The following NAALADL2 variants were observed in gnomAD, a reference collection of about 807,000 sequenced individuals.
NAALADL2 encodes inactive N-acetylated-alpha-linked acidic dipeptidase-like protein 2.
Under a neutral mutation model 87.2 loss-of-function variants are expected in NAALADL2, and 76 were observed. The observed-to-expected ratio is 0.87, with a 90% CI of 0.72 to 1.05. The LOEUF is 1.05. Ranked by LOEUF, NAALADL2 falls within the 50% of genes least tolerant of loss-of-function variation. The pLI, the probability that NAALADL2 is intolerant of heterozygous loss-of-function variation, is 0.00. For missense variants in NAALADL2, 1,089 were observed against 945.8 expected (o/e 1.15, Z -1.99); for synonymous variants, 354 against 331.0 (o/e 1.07, Z -0.75).
chr3:175,350,460 A>C (rs2148873000), intron 5 of NAALADL2, among the ~76,000 whole-genome samples: 1 of 152,262 alleles, frequency 6.6e-6, no homozygotes, highest in South Asian at 2.1e-4. Flanking sequence ...TGGGCCTCTG[A>C]AACTCTGATG....
chr3:175,143,685 C>G (rs562383850), intron 2 of NAALADL2, among the ~76,000 whole-genome samples: 2 of 151,820 alleles, frequency 1.3e-5, no homozygotes, highest in African/African-American at 4.8e-5. Flanking sequence ...TTCATTGAAT[C>G]CTAAAATCAC....
chr3:175,304,333 T>G (rs537333828), intron 4 of NAALADL2, among the ~76,000 whole-genome samples: 7 of 152,284 alleles, frequency 4.6e-5, no homozygotes, highest in Admixed American at 4.6e-4. Flanking sequence ...TGACCCTTCT[T>G]TCTTTTCCAT....
intron 1 of NAALADL2, among the ~76,000 whole-genome samples, chr3:174,922,605 A>G (rs569158217): frequency 3.9e-5 from 6 of 152,176 alleles, no homozygotes; most frequent in African/African-American, 1.4e-4. Context: ...GCCTTTAGAT[A>G]TTATTTCTCT....
intron 5 of NAALADL2, among the ~76,000 whole-genome samples, chr3:175,384,141 CCT>C (rs1456270212): frequency 6.6e-6 from 1 of 151,982 alleles, no homozygotes; most frequent in African/African-American, 2.4e-5. Context: ...CTATATTTAT[CCT>C]CTCTCTGAGA....
chr3:175,765,865 T>C lies in NAALADL2; in HGVS notation c.2189+10447T>C, dbSNP rs190496398. The stretch of plus-strand genomic sequence containing the variant: ...CTGCCAGATTGGTCTTATTATTCCC[T>C]TTATACATATAAGAAAACCGAGGCT... On this transcript the variant is annotated intron_variant, in intron 13 of 13. Coordinates refer to ENST00000454872, the MANE Select transcript of NAALADL2 (RefSeq NM_207015.3). Among the ~76,000 whole-genome samples, 210 of 152,246 alleles carry C rather than the reference T, an allele frequency of 1.4e-3. 1 individual carries two copies. Among genetic ancestry groups the C allele is most frequent in the Non-Finnish European group, 9.6e-4 (65 of 67,964 alleles).
At chr3:174,441,954 G>T (rs140667742) in intron 1 of NAALADL2, among the ~76,000 whole-genome samples, 4 of 151,996 alleles carry the variant, frequency 2.6e-5, no homozygotes, top group African/African-American at 9.6e-5. Context: ...TTATCCCTGC[G>T]GAACAGAAAA....
At chr3:175,346,634 C>T (rs181831586) in intron 5 of NAALADL2, among the ~76,000 whole-genome samples, 348 of 151,544 alleles carry the variant, frequency 2.3e-3, no homozygotes, top group South Asian at 3.9e-3. Flanking sequence ...TCAATGACCC[C>T]AAGATAGAAT....
At chr3:175,613,995 A>C (rs1207982912) in intron 10 of NAALADL2, among the ~76,000 whole-genome samples, 2 of 152,196 alleles carry the variant, frequency 1.3e-5, no homozygotes, top group African/African-American at 2.4e-5. Context: ...AGTGATTCTC[A>C]AGAGATATAC....
At chr3:174,980,990 A>G (rs534362317) in intron 1 of NAALADL2, among the ~76,000 whole-genome samples, 13 of 152,312 alleles carry the variant, frequency 8.5e-5, no homozygotes, top group African/African-American at 3.1e-4. Flanking sequence ...CATTGTATTT[A>G]TTAGCTCATA....
chr3:175,505,642 C>T (rs1486265012), intron 9 of NAALADL2, among the ~76,000 whole-genome samples: 1 of 151,664 alleles, frequency 6.6e-6, no homozygotes, highest in African/African-American at 2.4e-5. Flanking sequence ...ACTTAAGTTA[C>T]AAGAAAGCCT....
chr3:174,978,547 G>C (rs1296612247), intron 1 of NAALADL2, among the ~76,000 whole-genome samples: 1 of 152,128 alleles, frequency 6.6e-6, no homozygotes, highest in Admixed American at 6.6e-5. Flanking sequence ...CTTGGTACTT[G>C]GCAATGGACA....
At chr3:175,607,528 T>C (rs900466094) in intron 10 of NAALADL2, among the ~76,000 whole-genome samples, 1 of 152,014 alleles carries the variant, frequency 6.6e-6, no homozygotes, top group African/African-American at 2.4e-5. Context: ...GGCAATAGAG[T>C]ATACAGAAAT....
At chr3:174,727,280 T>C (rs1732291589) in intron 2 of NAALADL2, among the ~76,000 whole-genome samples, 2 of 146,622 alleles carry the variant, frequency 1.4e-5, no homozygotes, top group Admixed American at 6.8e-5. Flanking sequence ...TTCCACTTTC[T>C]AAAAAAAAAA....
chr3:175,619,981 C>T (rs1725975453), intron 10 of NAALADL2, among the ~76,000 whole-genome samples: 1 of 151,968 alleles, frequency 6.6e-6, no homozygotes, highest in South Asian at 2.1e-4. Flanking sequence ...ACAAAGTCCT[C>T]CCCAGCAAGC....
chr3:175,182,229 T>A (rs543171074), intron 2 of NAALADL2, among the ~76,000 whole-genome samples: 1 of 152,110 alleles, frequency 6.6e-6, no homozygotes, highest in Non-Finnish European at 1.5e-5. Flanking sequence ...CCCTTGCTCA[T>A]TTTTAAGTTA....
intron 2 of NAALADL2, among the ~76,000 whole-genome samples, chr3:174,596,526 T>A (rs1717925138): frequency 6.6e-6 from 1 of 151,772 alleles, no homozygotes; most frequent in Admixed American, 6.7e-5. Context: ...GATTTTCTGA[T>A]TCTGTAGGTC....
intron 2 of NAALADL2, among the ~76,000 whole-genome samples, chr3:175,216,271 TAAAAC>T (rs1448025364): frequency 5.3e-5 from 8 of 152,164 alleles, no homozygotes. Flanking sequence ...TTATTAATAT[TAAAAC>T]AAAACCAAAT....
chr3:174,977,772 A>T (rs1362927562), intron 1 of NAALADL2, among the ~76,000 whole-genome samples: 1 of 152,200 alleles, frequency 6.6e-6, no homozygotes, highest in East Asian at 1.9e-4. Flanking sequence ...AACAGGGATG[A>T]CATTTAAAAA....
chr3:175,591,894 C>T (rs1318250454), intron 10 of NAALADL2, among the ~76,000 whole-genome samples: 1 of 150,600 alleles, frequency 6.6e-6, no homozygotes, highest in African/African-American at 2.5e-5. Flanking sequence ...AATACAGATA[C>T]ACCCATCATA....
Sources: allele counts gnomAD v4.1 joint callset (sites outside exome capture counted in the v4.1 genomes callset), GRCh38; gene constraint gnomAD v4.1.1; transcripts MANE v1.5; gene names NCBI Gene and HGNC (gene_info 2026-07-23, HGNC 2026-07-21).